The following NWD2 variants were observed in gnomAD, a reference collection of about 807,000 sequenced individuals.
NWD2 encodes NACHT and WD repeat domain containing 2, also known as NACHT and WD repeat domain-containing protein 2.
A neutral mutation model predicts 132.7 loss-of-function variants in NWD2; 37 were observed. That is an observed-to-expected ratio of 0.28 (90% CI 0.21 to 0.37). NWD2 has a LOEUF of 0.37. NWD2 is among the 10% of genes least tolerant of loss of function. The probability of loss-of-function intolerance (pLI) is 1.00; values close to 1 mark genes in which losing one functional copy is unlikely to be tolerated. For synonymous variants in NWD2, 705 were observed against 803.0 expected (o/e 0.88, Z 2.06); for missense variants, 1,592 against 2,122.4 (o/e 0.75, Z 4.91).
chr4:37,278,293 C>A (rs1718065275), intron 1 of NWD2, among the ~76,000 whole-genome samples: 1 of 152,180 alleles, frequency 6.6e-6, no homozygotes, highest in South Asian at 2.1e-4. Context: ...TTTCTCCAAC[C>A]ATGACTACAA....
chr4:37,329,317 G>A (rs936595), intron 2 of NWD2, among the ~76,000 whole-genome samples: 107,557 of 152,080 alleles, frequency 0.71, 38,269 homozygotes, highest in East Asian at 0.86. Flanking sequence ...GAGGCAGACA[G>A]TGTAGATTCC....
At chr4:37,371,725 G>T (rs1186103344) in intron 3 of NWD2, among the ~76,000 whole-genome samples, 3 of 152,164 alleles carry the variant, frequency 2.0e-5, no homozygotes, top group Non-Finnish European at 4.4e-5. Context: ...ACTGAACTTA[G>T]TGTCTTCTAC....
chr4:37,419,685 A>G (rs1021582548), intron 3 of NWD2, among the ~76,000 whole-genome samples: 1 of 152,174 alleles, frequency 6.6e-6, no homozygotes, highest in African/African-American at 2.4e-5. Flanking sequence ...TTTATTCTTT[A>G]TTTCTCTGTT....
chr4:37,446,930 C>A lies in NWD2; in HGVS notation c.4942C>A (p.Arg1648Ser). The change falls in exon 7 of 7, where the codon CGT (arginine) becomes AGT (serine). Residue 1648 changes from arginine to serine, a missense_variant. Arg to Ser is a moderately radical substitution (Grantham distance 110, BLOSUM62 -1). This residue lies in a region of NWD2 where 257 missense variants were observed against 335.0 expected (regional missense o/e 0.77). Transcript: ENST00000309447. The surrounding 1 kb of genome is among the most constrained non-coding windows in gnomAD (Gnocchi z 6.7). ...TATAGGGATCTACACGGTAGTAGAC[C>A]GTGTAGATGCTGCACTGAAAATCAA... ...GSIGIYTVVDRVDAALKIKIA... is the reference protein window; with the variant it reads ...GSIGIYTVVDSVDAALKIKIA... The A allele has an allele frequency of 6.4e-7, 1 of 1,551,542 alleles. No individual in the cohort carries two copies. The highest frequency in any genetic ancestry group is 8.7e-7 in the Non-Finnish European group (1 of 1,146,964).
chr4:37,433,469 TC>T (rs143619899), intron 4 of NWD2, among the ~76,000 whole-genome samples: 2,292 of 152,228 alleles, frequency 0.015, 57 homozygotes, highest in African/African-American at 0.053. Context: ...CCATTTTATC[TC>T]CCAGTGGACC....
chr4:37,352,144 A>G (rs1719781167), intron 2 of NWD2, among the ~76,000 whole-genome samples: 1 of 152,176 alleles, frequency 6.6e-6, no homozygotes, highest in African/African-American at 2.4e-5. Context: ...GCTGAGAAGA[A>G]TGTATATTCT....
chr4:37,420,399 G>A (rs896093919), intron 3 of NWD2, among the ~76,000 whole-genome samples: 2 of 152,138 alleles, frequency 1.3e-5, no homozygotes, highest in Admixed American at 1.3e-4. Context: ...TAGGAGAAAG[G>A]CACAGGCCGG....
At chr4:37,392,852 C>G (rs915669737) in intron 3 of NWD2, among the ~76,000 whole-genome samples, 4 of 152,196 alleles carry the variant, frequency 2.6e-5, no homozygotes, top group South Asian at 2.1e-4. Flanking sequence ...TCTGACCCTT[C>G]TAGAGTCATC....
intron 2 of NWD2, among the ~76,000 whole-genome samples, chr4:37,333,915 G>T (rs1719344233): frequency 6.6e-6 from 1 of 152,040 alleles, no homozygotes; most frequent in Admixed American, 6.5e-5. Context: ...GTTGAAAAGT[G>T]CAGTTGACAT....
At chr4:37,353,364 G>A (rs1400080101) in intron 2 of NWD2, among the ~76,000 whole-genome samples, 1 of 152,074 alleles carries the variant, frequency 6.6e-6, no homozygotes, top group Admixed American at 6.6e-5. Flanking sequence ...GGTGTTCTCT[G>A]ATTTCCTGAA....
intron 2 of NWD2, among the ~76,000 whole-genome samples, chr4:37,336,434 A>G (rs1007668371): frequency 6.6e-6 from 1 of 152,170 alleles, no homozygotes; most frequent in Non-Finnish European, 1.5e-5. Context: ...GCATGTGGCC[A>G]GTAGCTCCCA....
At position 37,443,813 on chromosome 4, in the gene NWD2, C is replaced by G. The variant is rs1231994013; in HGVS notation, c.1825C>G (p.Leu609Val). 6.4e-7 allele frequency: 1 copy of G among 1,552,164 alleles called. No homozygotes were observed. Among genetic ancestry groups the G allele is most frequent in the Non-Finnish European group, 8.7e-7 (1 of 1,147,098 alleles). ...YVNNALSKCT[L>V]PMFVNLTFRE... is the part of the protein sequence containing the mutation. ...GAACAATGCATTATCCAAGTGCACA[C>G]TGCCAATGTTTGTGAACCTGACCTT... Residue 609 changes from leucine (L) to valine (V), a missense_variant, in exon 7 of 7, where the codon CTG (leucine) becomes GTG (valine). This residue lies in a region of NWD2 where 1,071 missense variants were observed against 1,398.0 expected (regional missense o/e 0.77). Transcript: ENST00000309447. The surrounding 1 kb of genome is among the most constrained non-coding windows in gnomAD (Gnocchi z 4.1).
At chr4:37,340,691 A>T (rs953856283) in intron 2 of NWD2, among the ~76,000 whole-genome samples, 2 of 152,308 alleles carry the variant, frequency 1.3e-5, no homozygotes, top group Middle Eastern at 3.4e-3. Context: ...TGGCTAGGTT[A>T]AAAGAATATT....
intron 1 of NWD2, among the ~76,000 whole-genome samples, chr4:37,253,696 T>C (rs1427479038): frequency 2.0e-5 from 3 of 152,216 alleles, no homozygotes; most frequent in Admixed American, 2.0e-4. Flanking sequence ...AATACATCCG[T>C]AAGGTAAGTT....
intron 1 of NWD2, among the ~76,000 whole-genome samples, chr4:37,303,493 A>G (rs1483642679): frequency 6.6e-6 from 1 of 152,158 alleles, no homozygotes; most frequent in East Asian, 1.9e-4. Context: ...TCTGTGAAGA[A>G]TGTCATTGAT....
At chr4:37,255,581 G>A (rs984280550) in intron 1 of NWD2, among the ~76,000 whole-genome samples, 20 of 152,168 alleles carry the variant, frequency 1.3e-4, no homozygotes, top group Admixed American at 1.2e-3. Context: ...AGGAGTTTTG[G>A]CAGGTACAGA....
chr4:37,308,255 G>A (rs1718751514), intron 1 of NWD2, among the ~76,000 whole-genome samples: 1 of 152,052 alleles, frequency 6.6e-6, no homozygotes. Context: ...TAGCTTTCAT[G>A]GGGAAAGACT....
chr4:37,281,001 G>C (rs1718116593), intron 1 of NWD2, among the ~76,000 whole-genome samples: 1 of 118,848 alleles, frequency 8.4e-6, no homozygotes, highest in African/African-American at 2.9e-5. Context: ...GTACAGATTA[G>C]CCTCCTGGCT....
At chr4:37,392,007 C>G (rs1247119970) in intron 3 of NWD2, among the ~76,000 whole-genome samples, 2 of 152,096 alleles carry the variant, frequency 1.3e-5, no homozygotes, top group East Asian at 3.9e-4. Flanking sequence ...TTGAGACCAG[C>G]CTGGCCAACA....
Sources: allele counts gnomAD v4.1 joint callset (sites outside exome capture counted in the v4.1 genomes callset), GRCh38; gene constraint gnomAD v4.1.1; regional missense constraint gnomAD v4.1.1; non-coding constraint Gnocchi (gnomAD v3.1); transcripts MANE v1.5; gene names NCBI Gene and HGNC (gene_info 2026-07-23, HGNC 2026-07-21).